SPATA17: variants seen among roughly 807,000 people sequenced by gnomAD.
The protein encoded by SPATA17 is spermatogenesis-associated protein 17.
A neutral mutation model predicts 62.2 loss-of-function variants in SPATA17; 53 were observed. The observed-to-expected ratio is 0.85, with a 90% CI of 0.68 to 1.07. SPATA17 has a LOEUF of 1.07. SPATA17 is among the 50% of genes least tolerant of loss of function. SPATA17 has a pLI of 0.00. For synonymous variants in SPATA17, 146 were observed against 146.8 expected (o/e 0.99, Z 0.04); for missense variants, 466 against 425.5 (o/e 1.10, Z -0.84).
At chr1:217,766,028 A>G (rs1673292361) in intron 6 of SPATA17, among the ~76,000 whole-genome samples, 1 of 151,524 alleles carries the variant, frequency 6.6e-6, no homozygotes, top group Non-Finnish European at 1.5e-5. Flanking sequence ...CTGGCCCTTT[A>G]CTTTTAATCT....
intron 1 of SPATA17, among the ~76,000 whole-genome samples, chr1:217,633,061 G>A (rs1209598037): frequency 6.6e-6 from 1 of 152,124 alleles, no homozygotes; most frequent in Non-Finnish European, 1.5e-5. Context: ...AGCCAGGCAT[G>A]GTGGTGCACG....
intron 4 of SPATA17, among the ~76,000 whole-genome samples, chr1:217,673,986 CTCAT>C (rs1436552948): frequency 2.6e-5 from 4 of 152,148 alleles, no homozygotes; most frequent in African/African-American, 9.7e-5. Flanking sequence ...GAAGAAGTCT[CTCAT>C]TCAAAATGAC....
At chr1:217,802,935 T>C (rs1571815384) in intron 9 of SPATA17, among the ~76,000 whole-genome samples, 1 of 152,100 alleles carries the variant, frequency 6.6e-6, no homozygotes, top group African/African-American at 2.4e-5. Flanking sequence ...GTTTTTGAGA[T>C]GAAGTCTCGC....
intron 3 of SPATA17, among the ~76,000 whole-genome samples, chr1:217,652,184 G>A (rs1337029380): frequency 1.3e-5 from 2 of 152,154 alleles, no homozygotes; most frequent in Non-Finnish European, 2.9e-5. Context: ...TCCCTTTACT[G>A]GTAGAAGACA....
At chr1:217,716,303 A>G (rs1482651088) in intron 5 of SPATA17, among the ~76,000 whole-genome samples, 1 of 152,232 alleles carries the variant, frequency 6.6e-6, no homozygotes, top group Non-Finnish European at 1.5e-5. Context: ...AGAAGTCAGT[A>G]TGTCCTTTCA....
rs1049461881 is a variant in SPATA17, at chr1:217,648,969, C to T, written c.156C>T (p.Ile52=). 5 of 1,604,242 alleles carry T rather than the reference C, an allele frequency of 3.1e-6. No homozygotes were observed. The Admixed American group carries it at 6.9e-5, about 22-fold the overall frequency. ...WFRGCQVRAY[I]RHLNRIVTII... Reference sequence around the variant, plus strand: ...GAGGATGTCAAGTTCGGGCATATATCAGGTATATTGCTTTTGTCATGGAAA... The same window carrying T: ...GAGGATGTCAAGTTCGGGCATATATTAGGTATATTGCTTTTGTCATGGAAA... The change falls in exon 2 of 11, where the codon ATC becomes ATT. Residue 52 remains isoleucine (I), a splice_region_variant and synonymous_variant. Coordinates refer to ENST00000366933, the MANE Select transcript of SPATA17 (RefSeq NM_138796.4).
chr1:217,755,011 A>G lies in SPATA17; in HGVS notation c.519+12913A>G, dbSNP rs1045292245. Among the ~76,000 whole-genome samples the G allele has an allele frequency of 2.0e-5, 3 of 152,158 alleles. No individual in the cohort carries two copies. The East Asian group carries it at 5.8e-4, about 29-fold the overall frequency. ...TCATAAGTATTTAAGTTCTGAGATCAAAGTATAGTCCAACACATGAAATAA... is the reference window on the plus strand; with the variant it reads ...TCATAAGTATTTAAGTTCTGAGATCGAAGTATAGTCCAACACATGAAATAA... On this transcript the variant is annotated intron_variant, in intron 6 of 10. Transcript: ENST00000366933.
chr1:217,797,829 T>A (rs572796160), intron 8 of SPATA17, among the ~76,000 whole-genome samples: 1 of 152,294 alleles, frequency 6.6e-6, no homozygotes, highest in East Asian at 1.9e-4. Flanking sequence ...CTATTCTTAT[T>A]TTCTTCATCC....
chr1:217,690,353 A>G (rs534337791), intron 5 of SPATA17, among the ~76,000 whole-genome samples: 23 of 152,042 alleles, frequency 1.5e-4, no homozygotes, highest in African/African-American at 5.3e-4. Context: ...TACAGCTTCT[A>G]TCTTGCTAAT....
chr1:217,670,899 CG>C (rs1670816879), intron 4 of SPATA17, among the ~76,000 whole-genome samples: 1 of 144,780 alleles, frequency 6.9e-6, no homozygotes, highest in East Asian at 2.0e-4. Context: ...GGCAGTGAGC[CG>C]AGATCCCACC....
chr1:217,729,721 A>G (rs1324045906), intron 5 of SPATA17, among the ~76,000 whole-genome samples: 1 of 152,206 alleles, frequency 6.6e-6, no homozygotes, highest in East Asian at 1.9e-4. Context: ...ACAGTCTGCC[A>G]TTTATTCATA....
At position 217,774,339 on chromosome 1, in the gene SPATA17, A is replaced by G. The variant is rs749378551; in HGVS notation, c.525A>G (p.Pro175=). 1 of 1,611,404 alleles carries G rather than the reference A, an allele frequency of 6.2e-7. No homozygotes were observed. Among genetic ancestry groups the G allele is most frequent in the East Asian group, 2.2e-5 (1 of 44,852 alleles). ...MHYLLSTKQI[P]GIYNSPFRKE... ...ATTGCTTTCTTCTTCTTTAGATTCC[A>G]GGAATATACAATTCACCCTTCAGAA... is the stretch of plus-strand genomic sequence containing the variant. Residue 175 remains proline, a synonymous_variant, in exon 7 of 11, where the codon CCA becomes CCG. Transcript: ENST00000366933.
chr1:217,632,599 C>G (rs1380502658), intron 1 of SPATA17, among the ~76,000 whole-genome samples: 1 of 152,098 alleles, frequency 6.6e-6, no homozygotes. Flanking sequence ...TATCTATCTC[C>G]CCTCTTAAAC....
At chr1:217,767,841 G>A (rs1217361057) in intron 6 of SPATA17, among the ~76,000 whole-genome samples, 3 of 152,218 alleles carry the variant, frequency 2.0e-5, no homozygotes, top group East Asian at 1.9e-4. Context: ...TCCGAGACTC[G>A]TTCTGATGCC....
intron 5 of SPATA17, among the ~76,000 whole-genome samples, chr1:217,700,963 T>G (rs1671582812): frequency 1.3e-5 from 2 of 151,728 alleles, no homozygotes; most frequent in South Asian, 2.1e-4. Context: ...TTGTGTTTTC[T>G]GTATTATTTA....
chr1:217,782,218 G>A lies in SPATA17; in HGVS notation c.768G>A (p.Arg256=), dbSNP rs898827193. The change falls in exon 8 of 11, where the codon AGG becomes AGA. Residue 256 remains arginine, a synonymous_variant. Transcript: ENST00000366933. Reference sequence around the variant, plus strand: ...CCGAAGTATTAGAACAACGCTACAGGCCTTTGGAGCCAACGTTGCGGGTGG... The same window carrying A: ...CCGAAGTATTAGAACAACGCTACAGACCTTTGGAGCCAACGTTGCGGGTGG... ...DITEVLEQRY[R]PLEPTLRVAE... is the part of the protein sequence containing the mutation. The A allele has an allele frequency of 6.2e-7, 1 of 1,612,718 alleles. No homozygotes were observed. Among genetic ancestry groups the A allele is most frequent in the Non-Finnish European group, 8.5e-7 (1 of 1,179,192 alleles).
Position 217,871,359 on chromosome 1 carries a change from T to C in SPATA17, c.*4340T>C, listed in dbSNP as rs891172917. On this transcript the variant is annotated 3_prime_UTR_variant, in exon 11 of 11. Coordinates refer to ENST00000366933, the MANE Select transcript of SPATA17 (RefSeq NM_138796.4). Reference sequence around the variant, plus strand: ...ACGGTATCCATTTTCTGTGCTAAATTCATCTTTAATTTATTATTTTTTTTC... The same window carrying C: ...ACGGTATCCATTTTCTGTGCTAAATCCATCTTTAATTTATTATTTTTTTTC... The C allele has an allele frequency of 6.6e-6, 1 of 152,146 alleles. No homozygotes were observed. Among genetic ancestry groups the C allele is most frequent in the Non-Finnish European group, 1.5e-5 (1 of 68,034 alleles). 9.4% of individuals were successfully genotyped at this position (152,146 alleles called of 1,614,324 possible).
intron 5 of SPATA17, among the ~76,000 whole-genome samples, chr1:217,723,787 T>G (rs574093117): frequency 1.9e-4 from 29 of 152,338 alleles, no homozygotes; most frequent in South Asian, 6.2e-4. Flanking sequence ...GCTAGTAATA[T>G]GGAATACAGT....
At chr1:217,654,456 C>T (rs961855738) in intron 3 of SPATA17, among the ~76,000 whole-genome samples, 19 of 152,116 alleles carry the variant, frequency 1.2e-4, no homozygotes, top group African/African-American at 4.6e-4. Flanking sequence ...ATTGTGCTAT[C>T]ATTTACATTC....
Sources: gnomAD v4.1 joint callset for allele counts (sites outside exome capture counted in the v4.1 genomes callset) on GRCh38, gnomAD v4.1.1 for gene constraint, MANE v1.5 for transcripts, NCBI Gene and HGNC (gene_info 2026-07-23, HGNC 2026-07-21) for gene names.